Variants in DNER observed in about 807,000 individuals in gnomAD.
DNER encodes delta/notch like EGF repeat containing.
DNER carries 33 observed loss-of-function variants against 78.2 expected under a neutral mutation model. That is an observed-to-expected ratio of 0.42 (90% confidence interval 0.32 to 0.56). The LOEUF (loss-of-function observed/expected upper bound fraction) is 0.56, where lower values mean the gene tolerates loss of function less well. Among genes scored for constraint, DNER ranks in the 20% least tolerant of loss-of-function variants. The pLI, the probability that DNER is intolerant of heterozygous loss-of-function variation, is 0.11. For synonymous variants in DNER, 417 were observed against 384.8 expected (o/e 1.08, Z -0.98); for missense variants, 918 against 975.3 (o/e 0.94, Z 0.78).
At chr2:229,525,148 C>T (rs978243596) in intron 5 of DNER, among the ~76,000 whole-genome samples, 2 of 152,192 alleles carry the variant, frequency 1.3e-5, no homozygotes, top group Admixed American at 6.5e-5. Context: ...TGTGTCTCAA[C>T]GCCCATCTTT....
intron 9 of DNER, 45 bp downstream of exon 9, chr2:229,418,063 T>C (rs371180336): frequency 6.2e-7 from 1 of 1,613,600 alleles, no homozygotes; most frequent in African/African-American, 1.3e-5. Flanking sequence ...ATACATGACG[T>C]CATTTAGAGC....
At position 229,621,279 on chromosome 2, in the gene DNER, C is replaced by T. The variant is rs542486102; in HGVS notation, c.277-29391G>A. 2.3e-4 allele frequency among the ~76,000 whole-genome samples: 35 copies of T among 152,316 alleles called. 1 individual carries two copies. In the South Asian group the frequency reaches 4.1e-3, roughly 18 times the overall value. On this transcript the variant is annotated intron_variant, in intron 1 of 12. Coordinates refer to ENST00000341772, the MANE Select transcript of DNER (RefSeq NM_139072.4). The stretch of plus-strand genomic sequence containing the variant: ...CCCTATTTTGATCATTCCTACATAC[C>T]GTTGTCAAAGTAGAATCTTCCTAAA...
chr2:229,678,654 C>G (rs1480832926), intron 1 of DNER, among the ~76,000 whole-genome samples: 1 of 152,140 alleles, frequency 6.6e-6, no homozygotes, highest in Non-Finnish European at 1.5e-5. Context: ...CAGAACCCGC[C>G]CTATATGATC....
At chr2:229,403,024 C>T (rs1004799332) in intron 10 of DNER, among the ~76,000 whole-genome samples, 9 of 152,166 alleles carry the variant, frequency 5.9e-5, no homozygotes, top group African/African-American at 1.7e-4. Context: ...CCCCACATAC[C>T]ACACCCTATA....
At chr2:229,668,808 G>A (rs1209511431) in intron 1 of DNER, among the ~76,000 whole-genome samples, 1 of 151,624 alleles carries the variant, frequency 6.6e-6, no homozygotes, top group Non-Finnish European at 1.5e-5. Flanking sequence ...GGAAGACAGT[G>A]TGGCGATTCC....
chr2:229,379,897 T>C (rs922381194), intron 11 of DNER, among the ~76,000 whole-genome samples: 1 of 152,174 alleles, frequency 6.6e-6, no homozygotes, highest in Non-Finnish European at 1.5e-5. Flanking sequence ...TTCAGTCCCT[T>C]GTCTCTCTCT....
chr2:229,450,250 G>T (rs927937451), intron 7 of DNER, among the ~76,000 whole-genome samples: 1 of 152,176 alleles, frequency 6.6e-6, no homozygotes, highest in African/African-American at 2.4e-5. Context: ...AACTCTATGA[G>T]ATTAGGTGGG....
intron 1 of DNER, among the ~76,000 whole-genome samples, chr2:229,656,637 C>A (rs1467648786): frequency 6.6e-6 from 1 of 152,146 alleles, no homozygotes; most frequent in Non-Finnish European, 1.5e-5. Context: ...ACTCCACTGC[C>A]TTGATAGCCA....
chr2:229,551,669 C>T (rs1279833232), intron 4 of DNER, among the ~76,000 whole-genome samples: 1 of 151,534 alleles, frequency 6.6e-6, no homozygotes, highest in African/African-American at 2.4e-5. Context: ...CGCAGTGGCT[C>T]ATGCCTGTAA....
chr2:229,462,564 C>T (rs1476267132), intron 7 of DNER, among the ~76,000 whole-genome samples: 1 of 152,096 alleles, frequency 6.6e-6, no homozygotes. Context: ...AACTTGGCTG[C>T]TACCATCCTA....
At chr2:229,566,854 AG>A (rs1272212546) in intron 4 of DNER, among the ~76,000 whole-genome samples, 1 of 152,006 alleles carries the variant, frequency 6.6e-6, no homozygotes, top group African/African-American at 2.4e-5. Flanking sequence ...TGCAAAATTA[AG>A]ATGCATATAT....
At chr2:229,677,418 G>A (rs1043690179) in intron 1 of DNER, among the ~76,000 whole-genome samples, 1 of 152,106 alleles carries the variant, frequency 6.6e-6, no homozygotes, top group Non-Finnish European at 1.5e-5. Flanking sequence ...AGATTTCAAG[G>A]GTGTTTTTAA....
chr2:229,597,651 C>G (rs1314907520), intron 1 of DNER, among the ~76,000 whole-genome samples: 3 of 152,094 alleles, frequency 2.0e-5, no homozygotes, highest in Non-Finnish European at 4.4e-5. Context: ...AATGATTAAG[C>G]CTTTGTAATA....
intron 1 of DNER, among the ~76,000 whole-genome samples, chr2:229,685,755 G>A (rs1294326314): frequency 6.6e-6 from 1 of 152,126 alleles, no homozygotes; most frequent in Non-Finnish European, 1.5e-5. Flanking sequence ...GCCATACCAG[G>A]CACAGAGCAA....
chr2:229,465,191 C>T (rs1343529868), intron 7 of DNER, among the ~76,000 whole-genome samples: 1 of 152,122 alleles, frequency 6.6e-6, no homozygotes, highest in Non-Finnish European at 1.5e-5. Context: ...AAATGCCCGT[C>T]AATGATAGAC....
intron 1 of DNER, among the ~76,000 whole-genome samples, chr2:229,624,121 T>C (rs1372174695): frequency 6.6e-6 from 1 of 152,200 alleles, no homozygotes; most frequent in Non-Finnish European, 1.5e-5. Context: ...AAGAATTTGT[T>C]GCAGACACAA....
At chr2:229,519,583 G>C (rs1363752421) in intron 5 of DNER, among the ~76,000 whole-genome samples, 15 of 152,014 alleles carry the variant, frequency 9.9e-5, no homozygotes, top group Admixed American at 9.8e-4. Context: ...AATTATGTCA[G>C]GTGTCCCAGC....
intron 6 of DNER, among the ~76,000 whole-genome samples, chr2:229,511,591 T>C (rs1695864984): frequency 6.6e-6 from 1 of 152,220 alleles, no homozygotes; most frequent in Admixed American, 6.5e-5. Context: ...AGCAGGAATT[T>C]GAACTAATGA....
intron 8 of DNER, among the ~76,000 whole-genome samples, chr2:229,418,461 G>C (rs376200913): frequency 3.6e-4 from 55 of 152,292 alleles, no homozygotes; most frequent in African/African-American, 1.3e-3. Flanking sequence ...TATAAAAGAA[G>C]TGATTCCATT....
Sources: allele counts gnomAD v4.1 joint callset (sites outside exome capture counted in the v4.1 genomes callset), GRCh38; gene constraint gnomAD v4.1.1; transcripts MANE v1.5; gene names NCBI Gene and HGNC (gene_info 2026-07-23, HGNC 2026-07-21).